PRDM11: variants seen among roughly 807,000 people sequenced by gnomAD.
PRDM11 encodes the protein PR domain-containing protein 11.
A neutral mutation model predicts 97.8 loss-of-function variants in PRDM11; 20 were observed. That is an observed-to-expected ratio of 0.20 (90% CI 0.14 to 0.30). The LOEUF is 0.30. Among genes scored for constraint, PRDM11 ranks in the 10% least tolerant of loss-of-function variants. The pLI is 1.00. For missense variants in PRDM11, 1,139 were observed against 1,555.2 expected (o/e 0.73, Z 4.50); for synonymous variants, 599 against 637.7 (o/e 0.94, Z 0.91).
intron 4 of PRDM11, among the ~76,000 whole-genome samples, chr11:45,199,318 A>G (rs1853242584): frequency 2.0e-5 from 3 of 152,156 alleles, no homozygotes; most frequent in Non-Finnish European, 1.5e-5. Flanking sequence ...ACCACCTCAC[A>G]GGGTTCTTGT....
intron 1 of PRDM11, among the ~76,000 whole-genome samples, chr11:45,168,644 G>C (rs1218853307): frequency 6.6e-6 from 1 of 152,158 alleles, no homozygotes; most frequent in Non-Finnish European, 1.5e-5. Context: ...TGCCCACTAA[G>C]AGCCACAGGT....
intron 1 of PRDM11, among the ~76,000 whole-genome samples, chr11:45,127,139 G>A (rs1852592929): frequency 6.6e-6 from 1 of 152,128 alleles, no homozygotes; most frequent in Non-Finnish European, 1.5e-5. Flanking sequence ...CAGCTCCTGA[G>A]GCTTCTGCAT....
At chr11:45,204,652 C>T (rs879073778) in intron 4 of PRDM11, 59 bp from the exon 5 acceptor site, 11 of 1,507,856 alleles carry the variant, frequency 7.3e-6, no homozygotes, top group Admixed American at 6.7e-5. Context: ...GGGAAGGAGC[C>T]CAGGGACATG....
intron 1 of PRDM11, among the ~76,000 whole-genome samples, chr11:45,120,239 T>C (rs1852400652): frequency 6.6e-6 from 1 of 151,968 alleles, no homozygotes; most frequent in Admixed American, 6.6e-5. Flanking sequence ...GCATGTGAGG[T>C]ACTAACAAAA....
At chr11:45,152,523 A>G (rs955506024) in intron 1 of PRDM11, among the ~76,000 whole-genome samples, 1 of 152,166 alleles carries the variant, frequency 6.6e-6, no homozygotes, top group Non-Finnish European at 1.5e-5. Context: ...GCAAGTTCCC[A>G]GAGAGCTGGG....
chr11:45,108,291 C>T (rs1425054186), intron 1 of PRDM11, among the ~76,000 whole-genome samples: 1 of 152,204 alleles, frequency 6.6e-6, no homozygotes, highest in Non-Finnish European at 1.5e-5. Context: ...CTGCCCTGGC[C>T]TCTTACGTGG....
At chr11:45,154,739 C>A (rs1364087047) in intron 1 of PRDM11, among the ~76,000 whole-genome samples, 17 of 152,212 alleles carry the variant, frequency 1.1e-4, no homozygotes, top group Non-Finnish European at 1.2e-4. Context: ...TTCTCCCGAT[C>A]CCTGATCACT....
chr11:45,148,377 G>A (rs1371679869), intron 1 of PRDM11, among the ~76,000 whole-genome samples: 3 of 152,180 alleles, frequency 2.0e-5, no homozygotes, highest in Non-Finnish European at 4.4e-5. Context: ...AGATAGCAAA[G>A]ATGAAATGCC....
intron 5 of PRDM11, among the ~76,000 whole-genome samples, chr11:45,217,744 C>A (rs895443972): frequency 1.3e-5 from 2 of 152,218 alleles, no homozygotes; most frequent in Admixed American, 6.5e-5. Context: ...ATCCCTGGGA[C>A]CTCTAGAATG....
Position 45,146,788 on chromosome 11 carries a change from G to C in PRDM11, c.-96G>C, listed in dbSNP as rs1390870393. 3.4e-5 allele frequency: 5 copies of C among 144,960 alleles called. No homozygotes were observed. The highest frequency in any genetic ancestry group is 7.7e-5 in the Non-Finnish European group (5 of 65,016). 9.0% of individuals were successfully genotyped at this position (144,960 alleles called of 1,614,324 possible). On this transcript the variant is annotated 5_prime_UTR_variant, in exon 1 of 8. Coordinates refer to ENST00000683152, the MANE Select transcript of PRDM11 (RefSeq NM_001384648.1). ...CGCGGCCGCTCCCTCCGCGGGGGCC[G>C]CCAGCCGAGGCCGCGCCGCCTCCGC...
intron 4 of PRDM11, among the ~76,000 whole-genome samples, chr11:45,183,902 T>G (rs1257712943): frequency 1.3e-5 from 2 of 152,080 alleles, no homozygotes; most frequent in African/African-American, 2.4e-5. Flanking sequence ...GATAAGGCAA[T>G]CAGATAAATC....
chr11:45,113,515 T>C (rs1691030895), intron 1 of PRDM11, among the ~76,000 whole-genome samples: 1 of 152,206 alleles, frequency 6.6e-6, no homozygotes, highest in South Asian at 2.1e-4. Flanking sequence ...GGGAATTGCA[T>C]TGAATCTGTA....
intron 5 of PRDM11, among the ~76,000 whole-genome samples, chr11:45,210,552 C>T (rs1853692421): frequency 6.6e-6 from 1 of 152,194 alleles, no homozygotes; most frequent in African/African-American, 2.4e-5. Flanking sequence ...GGAGGGGCCC[C>T]AGGGAAGCAG....
At chr11:45,178,960 A>G (rs1442174665) in intron 1 of PRDM11, among the ~76,000 whole-genome samples, 1 of 152,220 alleles carries the variant, frequency 6.6e-6, no homozygotes, top group Non-Finnish European at 1.5e-5. Flanking sequence ...TATACATGTC[A>G]CACTGCCATG....
intron 1 of PRDM11, among the ~76,000 whole-genome samples, chr11:45,111,757 A>C (rs1425418476): frequency 6.6e-6 from 1 of 152,144 alleles, no homozygotes; most frequent in Non-Finnish European, 1.5e-5. Flanking sequence ...CGCGGAACAC[A>C]ACCAGGGGCC....
At chr11:45,182,425 CA>C in intron 3 of PRDM11, 76 bp downstream of exon 3, 4 of 1,340,084 alleles carry the variant, frequency 3.0e-6, no homozygotes, top group Non-Finnish European at 3.2e-6. Flanking sequence ...GAATTCACAA[CA>C]ATGCTACTAA....
rs1257702628 is a variant in PRDM11, at chr11:45,232,964, T to C, written c.*4805T>C. On this transcript the variant is annotated 3_prime_UTR_variant, in exon 8 of 8. Transcript: ENST00000683152. ...CCCTGGAAATACCTATGCAATCCAG[T>C]CTCCCTAGGAGAGAGTGCATGGAAG... 1 of 148,362 alleles carries C rather than the reference T, an allele frequency of 6.7e-6. No homozygotes were observed. Among genetic ancestry groups the C allele is most frequent in the East Asian group, 2.1e-4 (1 of 4,808 alleles). The allele number at this position is 148,362 out of a possible 1,614,324, so 9.2% of individuals were successfully genotyped here.
chr11:45,147,861 G>A (rs1851560499), intron 1 of PRDM11, among the ~76,000 whole-genome samples: 2 of 152,306 alleles, frequency 1.3e-5, no homozygotes, highest in South Asian at 2.1e-4. Context: ...TAGAGTGGCT[G>A]TAAGGAAACA....
chr11:45,224,173 TG>T (rs1355576127), intron 6 of PRDM11, 43 bp from the exon 7 acceptor site: 1 of 1,524,666 alleles, frequency 6.6e-7, no homozygotes, highest in East Asian at 2.3e-5. Flanking sequence ...TTCTCCAATT[TG>T]GGGGTTTTCC....
Sources: allele counts gnomAD v4.1 joint callset (sites outside exome capture counted in the v4.1 genomes callset), GRCh38; gene constraint gnomAD v4.1.1; transcripts MANE v1.5; gene names NCBI Gene and HGNC (gene_info 2026-07-23, HGNC 2026-07-21).